PTPRR: variants seen among roughly 807,000 people sequenced by gnomAD.
The protein encoded by PTPRR is protein tyrosine phosphatase receptor type R.
In PTPRR, 38 loss-of-function variants were observed where a neutral mutation model predicts 77.2. The observed-to-expected ratio is 0.49, with a 90% CI of 0.38 to 0.65. The LOEUF (loss-of-function observed/expected upper bound fraction) is 0.65, where lower values mean the gene tolerates loss of function less well. Among genes scored for constraint, PTPRR ranks in the 30% least tolerant of loss-of-function variants. The pLI, the probability that PTPRR is intolerant of heterozygous loss-of-function variation, is 0.00. For synonymous variants in PTPRR, 299 were observed against 283.1 expected (o/e 1.06, Z -0.57); for missense variants, 744 against 799.2 (o/e 0.93, Z 0.83).
chr12:70,764,795 AAAAT>A lies in PTPRR; in HGVS notation c.358-21_358-18del, dbSNP rs747115966. 2 of 1,549,124 alleles carry A rather than the reference AAAAT, an allele frequency of 1.3e-6. No homozygotes were observed. The highest frequency in any genetic ancestry group is 2.2e-5 in the South Asian group (2 of 89,684). ...TTGCAGTGTCTAGAAAATAAGGACAAAAATAAATCCAAATTATAGTATTAATTTG... is the reference window on the plus strand; with the variant it reads ...TTGCAGTGTCTAGAAAATAAGGACAAAAATCCAAATTATAGTATTAATTTG... On this transcript the variant is annotated intron_variant, in intron 2 of 13. Coordinates refer to ENST00000283228, the MANE Select transcript of PTPRR (RefSeq NM_002849.4).
rs148115035 is a variant in PTPRR, at chr12:70,888,227, G to A, written c.357+4452C>T. Reference sequence around the variant, plus strand: ...GTAACAATTATATGAGATAATACTCGCATAGTTCTTAGCATACTATCAATG... The same window carrying A: ...GTAACAATTATATGAGATAATACTCACATAGTTCTTAGCATACTATCAATG... On this transcript the variant is annotated intron_variant, in intron 2 of 13. Coordinates refer to ENST00000283228, the MANE Select transcript of PTPRR (RefSeq NM_002849.4). Among the ~76,000 whole-genome samples, 193 of 152,056 alleles carry A rather than the reference G, an allele frequency of 1.3e-3. 1 individual carries two copies. Among genetic ancestry groups the A allele is most frequent in the African/African-American group, 4.1e-3 (169 of 41,480 alleles).
In PTPRR at chr12:70,747,297, C is replaced by T. The variant is rs565536903; in HGVS notation, c.739-1211G>A. The stretch of plus-strand genomic sequence containing the variant: ...TTCAGCTAAACATTTAATTACTAAA[C>T]GATGAGGCAACAGAATTTAAAATAT... On this transcript the variant is annotated intron_variant, in intron 5 of 13. Coordinates refer to ENST00000283228, the MANE Select transcript of PTPRR (RefSeq NM_002849.4). Among the ~76,000 whole-genome samples, 12 of 152,184 alleles carry T rather than the reference C, an allele frequency of 7.9e-5. No homozygotes were observed. In the East Asian group the frequency reaches 1.2e-3, roughly 15 times the overall value.
At chr12:70,669,235 A>C (rs552038628) in intron 10 of PTPRR, among the ~76,000 whole-genome samples, 1 of 152,160 alleles carries the variant, frequency 6.6e-6, no homozygotes, top group South Asian at 2.1e-4. Flanking sequence ...ACTGCTTAAT[A>C]GACTTAAAAG....
At chr12:70,817,486 A>G (rs1891925527) in intron 2 of PTPRR, among the ~76,000 whole-genome samples, 1 of 152,232 alleles carries the variant, frequency 6.6e-6, no homozygotes, top group African/African-American at 2.4e-5. Context: ...TAATATCTGT[A>G]ACACATTCTC....
chr12:70,640,791 A>G (rs2136635071), intron 13 of PTPRR, among the ~76,000 whole-genome samples: 1 of 152,344 alleles, frequency 6.6e-6, no homozygotes, highest in Middle Eastern at 3.4e-3. Flanking sequence ...TTATTTGTCA[A>G]TCTATGTCAA....
chr12:70,662,363 A>T (rs1886827609), intron 11 of PTPRR, 132 bp downstream of exon 11: 1 of 529,100 alleles, frequency 1.9e-6, no homozygotes, highest in African/African-American at 1.9e-5. Flanking sequence ...GGGAATGATT[A>T]TAGTTTCTCT....
chr12:70,711,224 G>A (rs564010851), intron 6 of PTPRR, among the ~76,000 whole-genome samples: 5 of 152,214 alleles, frequency 3.3e-5, no homozygotes, highest in Middle Eastern at 3.4e-3. Context: ...AAAAGAACGA[G>A]ATTATGTCCT....
intron 6 of PTPRR, among the ~76,000 whole-genome samples, chr12:70,721,300 TTCTG>T (rs1476474660): frequency 6.6e-6 from 1 of 152,190 alleles, no homozygotes; most frequent in East Asian, 1.9e-4. Flanking sequence ...TATATAAAAC[TTCTG>T]TCTAAGAATA....
At chr12:70,780,346 A>G (rs1467738588) in intron 2 of PTPRR, among the ~76,000 whole-genome samples, 2 of 152,182 alleles carry the variant, frequency 1.3e-5, no homozygotes, top group Non-Finnish European at 2.9e-5. Context: ...TTGGTTGTAA[A>G]TTAAATTCAA....
intron 2 of PTPRR, among the ~76,000 whole-genome samples, chr12:70,805,945 C>T (rs1891702954): frequency 6.6e-6 from 1 of 151,916 alleles, no homozygotes; most frequent in African/African-American, 2.4e-5. Context: ...TGGGTCTTGG[C>T]CAGAAACAGA....
At chr12:70,779,332 G>A (rs7958746) in intron 2 of PTPRR, among the ~76,000 whole-genome samples, 4 of 151,658 alleles carry the variant, frequency 2.6e-5, no homozygotes, top group Admixed American at 6.6e-5. Flanking sequence ...CTTTTTCAAG[G>A]CACTCTGTCC....
intron 10 of PTPRR, chr12:70,672,316 C>T: frequency 2.5e-6 from 4 of 1,576,866 alleles, no homozygotes; most frequent in Non-Finnish European, 3.5e-6. Flanking sequence ...CGATCAACTT[C>T]AGCAAGTTTG....
intron 1 of PTPRR, among the ~76,000 whole-genome samples, chr12:70,901,054 A>C (rs1473629653): frequency 6.6e-6 from 1 of 151,580 alleles, no homozygotes; most frequent in African/African-American, 2.4e-5. Context: ...TAAAAGGCCC[A>C]AAATTCAAAA....
At chr12:70,816,257 A>C (rs1565707163) in intron 2 of PTPRR, among the ~76,000 whole-genome samples, 2 of 152,148 alleles carry the variant, frequency 1.3e-5, no homozygotes, top group Non-Finnish European at 2.9e-5. Flanking sequence ...ACACCCCAGG[A>C]AAATGATCCT....
chr12:70,725,728 T>A (rs1262197006), intron 6 of PTPRR, among the ~76,000 whole-genome samples: 1 of 152,188 alleles, frequency 6.6e-6, no homozygotes, highest in Non-Finnish European at 1.5e-5. Context: ...ATTGGTTATT[T>A]CTTTAGAGTA....
intron 2 of PTPRR, among the ~76,000 whole-genome samples, chr12:70,854,102 A>T (rs1892615165): frequency 6.6e-6 from 1 of 152,204 alleles, no homozygotes; most frequent in Non-Finnish European, 1.5e-5. Flanking sequence ...CATGCCAGCA[A>T]GGAATAACCT....
At chr12:70,758,666 G>A (rs1890617061) in intron 4 of PTPRR, among the ~76,000 whole-genome samples, 1 of 152,096 alleles carries the variant, frequency 6.6e-6, no homozygotes, top group Admixed American at 6.5e-5. Flanking sequence ...TCAGACGTGG[G>A]CAAGGCTGGG....
chr12:70,709,639 AG>A (rs1261321224), intron 6 of PTPRR, among the ~76,000 whole-genome samples: 2 of 152,162 alleles, frequency 1.3e-5, no homozygotes, highest in African/African-American at 4.8e-5. Context: ...GCAAAGTTTC[AG>A]GATACAAAAT....
At chr12:70,707,018 A>G (rs184016629) in intron 6 of PTPRR, among the ~76,000 whole-genome samples, 1 of 152,130 alleles carries the variant, frequency 6.6e-6, no homozygotes, top group African/African-American at 2.4e-5. Context: ...GCTATGTGGG[A>G]GCTACATGAG....
Sources: allele counts gnomAD v4.1 joint callset (sites outside exome capture counted in the v4.1 genomes callset), GRCh38; gene constraint gnomAD v4.1.1; transcripts MANE v1.5; gene names NCBI Gene and HGNC (gene_info 2026-07-23, HGNC 2026-07-21).